Variants in NUB1 observed in about 807,000 individuals in gnomAD.
The protein encoded by NUB1 is NEDD8 ultimate buster 1.
In NUB1, 41 loss-of-function variants were observed where a neutral mutation model predicts 77.1. The ratio of observed to expected loss-of-function variants is 0.53; its 90% CI spans 0.41 to 0.69. NUB1 has a LOEUF of 0.69. NUB1 is among the 30% of genes least tolerant of loss of function. The pLI, the probability that NUB1 is intolerant of heterozygous loss-of-function variation, is 0.00. For synonymous variants in NUB1, 257 were observed against 281.0 expected, an observed-to-expected ratio of 0.91 and a Z score of 0.85; for missense variants, 643 against 743.8, an observed-to-expected ratio of 0.86 and a Z score of 1.58.
At chr7:151,369,975 T>TC (rs1797883034) in intron 11 of NUB1, among the ~76,000 whole-genome samples, 2 of 152,206 alleles carry the variant, frequency 1.3e-5, no homozygotes, top group African/African-American at 4.8e-5. Context: ...ACAGGGTTTC[T>TC]CCTTTTACAA....
Position 151,377,282 on chromosome 7 carries a change from G to A in NUB1, c.*57G>A, listed in dbSNP as rs1798346910. The A allele has an allele frequency of 1.2e-5, 14 of 1,178,470 alleles. No homozygotes were observed. The highest frequency in any genetic ancestry group is 3.3e-5 in the South Asian group (2 of 60,564). The allele number at this position is 1,178,470 out of a possible 1,614,324, so 73.0% of individuals were successfully genotyped here. A position where few individuals can be genotyped will look rare whatever the true frequency, so the allele number is the denominator to read the frequency against. ...TTATAAATGCTATCATTATGAAAAG[G>A]CTAATGCAGCTCTTTCTGTTCTTAC... On this transcript the variant is annotated 3_prime_UTR_variant, in exon 15 of 15. Coordinates refer to ENST00000568733, the MANE Select transcript of NUB1 (RefSeq NM_001243351.2).
intron 8 of NUB1, among the ~76,000 whole-genome samples, chr7:151,362,296 T>G (rs1797415387): frequency 6.6e-6 from 1 of 152,180 alleles, no homozygotes; most frequent in African/African-American, 2.4e-5. Context: ...CTGGCCAACT[T>G]GTTAGCATAT....
At position 151,346,726 on chromosome 7, in the gene NUB1, C is replaced by G. The variant is rs141924405; in HGVS notation, c.117+1260C>G. 2.6e-5 allele frequency among the ~76,000 whole-genome samples: 4 copies of G among 152,326 alleles called. No homozygotes were observed. The East Asian group carries it at 7.7e-4, about 29-fold the overall frequency. ...TGCTCAGGACCCTTCCAGACCTTGCCTTAGTACCTCTTCATGTGAATGGTT... is the reference window on the plus strand; with the variant it reads ...TGCTCAGGACCCTTCCAGACCTTGCGTTAGTACCTCTTCATGTGAATGGTT... On this transcript the variant is annotated intron_variant, in intron 2 of 14. Transcript: ENST00000568733.
chr7:151,343,166 A>C (rs978714285), intron 1 of NUB1, among the ~76,000 whole-genome samples: 4 of 152,206 alleles, frequency 2.6e-5, no homozygotes, highest in Non-Finnish European at 5.9e-5. Flanking sequence ...TAACGCTCTA[A>C]GTACTAATAT....
At position 151,341,866 on chromosome 7, in the gene NUB1, G is replaced by A; in HGVS notation, c.-3+20G>A. On this transcript the variant is annotated intron_variant, in intron 1 of 14. Coordinates refer to ENST00000568733, the MANE Select transcript of NUB1 (RefSeq NM_001243351.2). ...GCGCAGGTGAGGACACGGCGGCCGA[G>A]TGTCCTCGACCCCAGCCTCAGCAGC... is the stretch of plus-strand genomic sequence containing the variant. The A allele has an allele frequency of 6.7e-7, 1 of 1,495,838 alleles. No individual in the cohort carries two copies. The highest frequency in any genetic ancestry group is 8.8e-7 in the Non-Finnish European group (1 of 1,131,938). 92.7% of individuals were successfully genotyped at this position (1,495,838 alleles called of 1,614,324 possible).
intron 3 of NUB1, among the ~76,000 whole-genome samples, chr7:151,349,909 G>A (rs1428791362): frequency 1.3e-5 from 2 of 152,038 alleles, no homozygotes; most frequent in Non-Finnish European, 2.9e-5. Flanking sequence ...ACCTAGACGC[G>A]GAAACCGGTA....
chr7:151,366,835 A>G, intron 8 of NUB1, 104 bp from the exon 9 acceptor site: 1 of 884,084 alleles, frequency 1.1e-6, no homozygotes, highest in South Asian at 1.9e-5. Flanking sequence ...TTGAATATAT[A>G]CCAAGAACGG....
intron 2 of NUB1, among the ~76,000 whole-genome samples, chr7:151,346,531 A>G (rs1796512308): frequency 6.6e-6 from 1 of 152,178 alleles, no homozygotes; most frequent in African/African-American, 2.4e-5. Flanking sequence ...ACCTCTGGGA[A>G]GGGGAGATTG....
At chr7:151,342,198 C>T (rs1796247986) in intron 1 of NUB1, among the ~76,000 whole-genome samples, 2 of 152,124 alleles carry the variant, frequency 1.3e-5, no homozygotes, top group African/African-American at 2.4e-5. Context: ...TCCGAGTATA[C>T]CATTTGGGAT....
chr7:151,355,790 C>T lies in NUB1; in HGVS notation c.438C>T (p.Gly146=), dbSNP rs755236400. 21 of 1,601,806 alleles carry T rather than the reference C, an allele frequency of 1.3e-5. No individual in the cohort carries two copies. The highest frequency in any genetic ancestry group is 3.5e-5 in the Admixed American group (2 of 57,744). The stretch of plus-strand genomic sequence containing the variant: ...TAGGGAAAACCCTTGAAGAACAAGG[C>T]GTGGCTCACAATGTGAAAGCGATGG... ...LQLGKTLEEQ[G]VAHNVKAMVL... is the part of the protein sequence containing the mutation. Residue 146 remains glycine, a synonymous_variant, in exon 6 of 15, where the codon GGC becomes GGT. Transcript: ENST00000568733.
chr7:151,364,184 A>T (rs1458435584), intron 8 of NUB1, among the ~76,000 whole-genome samples: 1 of 150,872 alleles, frequency 6.6e-6, no homozygotes, highest in African/African-American at 2.4e-5. Context: ...ACACTATGGG[A>T]GGCCGAGGCA....
At chr7:151,356,547 C>T (rs11771465) in intron 7 of NUB1, among the ~76,000 whole-genome samples, 1 of 152,106 alleles carries the variant, frequency 6.6e-6, no homozygotes, top group Admixed American at 6.5e-5. Flanking sequence ...TACTAGAGAA[C>T]CTTGTCCCCT....
intron 8 of NUB1, among the ~76,000 whole-genome samples, chr7:151,364,238 G>A (rs1263687863): frequency 7.3e-5 from 11 of 150,298 alleles, no homozygotes; most frequent in Non-Finnish European, 1.5e-4. Flanking sequence ...TGGCTAACAG[G>A]GCGAAACCCC....
At chr7:151,362,664 A>C (rs1441892461) in intron 8 of NUB1, among the ~76,000 whole-genome samples, 2 of 152,144 alleles carry the variant, frequency 1.3e-5, no homozygotes, top group African/African-American at 4.8e-5. Context: ...TGCTCCCTGG[A>C]GTTAAAGAGA....
intron 13 of NUB1, chr7:151,376,330 G>A (rs1798240865): frequency 4.1e-6 from 2 of 488,306 alleles, no homozygotes; most frequent in Non-Finnish European, 7.4e-6. Context: ...TAGCACGCCT[G>A]TATGCTGTGG....
intron 1 of NUB1, among the ~76,000 whole-genome samples, chr7:151,342,791 T>C (rs1373758543): frequency 3.9e-5 from 6 of 152,216 alleles, no homozygotes; most frequent in African/African-American, 1.2e-4. Flanking sequence ...CACTCCTTCG[T>C]CCTTCTGTCA....
chr7:151,352,278 A>G, intron 4 of NUB1: 1 of 386,414 alleles, frequency 2.6e-6, no homozygotes, highest in Non-Finnish European at 5.2e-6. Context: ...TGCCTGAGGA[A>G]ACAAGCAGTA....
chr7:151,344,283 T>A (rs1191399890), intron 1 of NUB1, among the ~76,000 whole-genome samples: 2 of 150,524 alleles, frequency 1.3e-5, no homozygotes, highest in Non-Finnish European at 3.0e-5. Flanking sequence ...CTTTTTAATT[T>A]AAAAAATTCT....
chr7:151,361,685 T>G (rs970083875), intron 8 of NUB1, among the ~76,000 whole-genome samples: 1 of 152,192 alleles, frequency 6.6e-6, no homozygotes, highest in Non-Finnish European at 1.5e-5. Flanking sequence ...ATATTTATAG[T>G]TTTCCATTGG....
Sources: allele counts gnomAD v4.1 joint callset (sites outside exome capture counted in the v4.1 genomes callset), GRCh38; gene constraint gnomAD v4.1.1; transcripts MANE v1.5; gene names NCBI Gene and HGNC (gene_info 2026-07-23, HGNC 2026-07-21).